Variants in FAIM observed in about 807,000 individuals in gnomAD.
The protein encoded by FAIM is fas apoptotic inhibitory molecule 1.
Under a neutral mutation model 21.2 loss-of-function variants are expected in FAIM, and 14 were observed. The ratio of observed to expected loss-of-function variants is 0.66; its 90% CI spans 0.44 to 1.03. The LOEUF is 1.03. Among genes scored for constraint, FAIM ranks in the 50% least tolerant of loss-of-function variants. FAIM has a pLI of 0.00. For missense variants in FAIM, 222 were observed against 247.1 expected (o/e 0.90, Z 0.68); for synonymous variants, 86 against 80.4 (o/e 1.07, Z -0.37).
rs1389123890 is a variant in FAIM at position 138,633,064 on chromosome 3, A to G, written c.591A>G (p.Pro197=). The change falls in exon 6 of 6, where the codon CCA becomes CCG. Residue 197 remains proline (P), a synonymous_variant. Transcript: ENST00000360570. ...TCATTGTGGATAATAGAGAAATCCC[A>G]GAGATTGCAAGTTAATGAATTTTCA... ...HTLIVDNREI[P]EIAS The G allele has an allele frequency of 6.2e-7, 1 of 1,612,240 alleles. No individual in the cohort carries two copies. The highest frequency in any genetic ancestry group is 8.5e-7 in the Non-Finnish European group (1 of 1,179,360).
intron 4 of FAIM, among the ~76,000 whole-genome samples, chr3:138,623,967 C>T (rs1349762408): frequency 6.6e-6 from 1 of 152,140 alleles, no homozygotes; most frequent in African/African-American, 2.4e-5. Flanking sequence ...ATTTTTGAAA[C>T]CCTTATTCCA....
chr3:138,614,517 A>G (rs1428023298), intron 1 of FAIM, among the ~76,000 whole-genome samples: 1 of 152,220 alleles, frequency 6.6e-6, no homozygotes, highest in Non-Finnish European at 1.5e-5. Flanking sequence ...AGCAGGTTCA[A>G]ATGTTGAATG....
intron 1 of FAIM, chr3:138,611,110 G>T: frequency 8.8e-7 from 1 of 1,132,730 alleles, no homozygotes; most frequent in Non-Finnish European, 1.3e-6. Flanking sequence ...CTTAGAATAT[G>T]ACATGTGTTT....
intron 5 of FAIM, chr3:138,631,190 G>GATCATTT (rs2043001359): frequency 6.6e-6 from 1 of 151,684 alleles, no homozygotes; most frequent in Non-Finnish European, 1.5e-5. Flanking sequence ...AAGATGGGAG[G>GATCATTT]ATCATTTGAG....
intron 1 of FAIM, among the ~76,000 whole-genome samples, chr3:138,611,272 C>CT (rs928822112): frequency 1.9e-4 from 28 of 150,316 alleles, no homozygotes; most frequent in African/African-American, 6.1e-4. Context: ...ATTTTTTTTT[C>CT]TTTTTTTGTT....
rs2043026859 is a variant in FAIM, at chr3:138,633,323, G to A, written c.*244G>A. 3 of 276,388 alleles carry A rather than the reference G, an allele frequency of 1.1e-5. No individual in the cohort carries two copies. The Admixed American group carries it at 1.5e-4, about 14-fold the overall frequency. The allele number at this position is 276,388 out of a possible 1,614,324, so 17.1% of individuals were successfully genotyped here. ...AATGGCAAATAAGATATGGACCAAAGTCACTAATGTTTTACAACAGTAACC... is the reference window on the plus strand; with the variant it reads ...AATGGCAAATAAGATATGGACCAAAATCACTAATGTTTTACAACAGTAACC... On this transcript the variant is annotated 3_prime_UTR_variant, in exon 6 of 6. Transcript: ENST00000360570.
intron 1 of FAIM, among the ~76,000 whole-genome samples, chr3:138,609,575 TCGACTCTCTCTCTCTCGA>T (rs1560490961): frequency 0.029 from 655 of 22,256 alleles, 1 homozygote; most frequent in African/African-American, 0.048. Flanking sequence ...TCTCTCTCTC[TCGACTCTCTCTCTCTCGA>T]CTCTCTCTCT....
At chr3:138,610,993 G>A (rs1447705352) in intron 1 of FAIM, 2 of 1,613,748 alleles carry the variant, frequency 1.2e-6, no homozygotes, top group Non-Finnish European at 1.7e-6. Context: ...TCCCACTGTT[G>A]TGCTATAATC....
chr3:138,610,541 AAG>A (rs2042756437), intron 1 of FAIM: 1 of 156,576 alleles, frequency 6.4e-6, no homozygotes, highest in Admixed American at 6.2e-5. Flanking sequence ...GTACATGCAT[AAG>A]AGTTTAAAAA....
intron 2 of FAIM, among the ~76,000 whole-genome samples, chr3:138,620,299 A>G (rs527353741): frequency 1.3e-5 from 2 of 152,346 alleles, no homozygotes; most frequent in South Asian, 2.1e-4. Context: ...ACAATGACTG[A>G]TACATAGTTA....
intron 1 of FAIM, among the ~76,000 whole-genome samples, chr3:138,609,533 ACTCTCTCTCTCTCTCTCTCTCTCT>A (rs1286573079): frequency 8.9e-4 from 3 of 3,362 alleles, no homozygotes; most frequent in Non-Finnish European, 1.9e-3. Flanking sequence ...AAGTGCTGAA[ACTCTCTCTCTCTCTCTCTCTCTCT>A]CTCTCTCTCT....
intron 1 of FAIM, among the ~76,000 whole-genome samples, chr3:138,615,666 G>C (rs771833284): frequency 1.3e-5 from 2 of 152,142 alleles, no homozygotes; most frequent in Non-Finnish European, 2.9e-5. Flanking sequence ...ACGTGCATTT[G>C]ATGAGTTGAC....
At chr3:138,622,484 G>A in intron 4 of FAIM, 68 bp downstream of exon 4, 3 of 1,006,376 alleles carry the variant, frequency 3.0e-6, no homozygotes, top group Non-Finnish European at 4.4e-6. Context: ...TCCTGTAACT[G>A]TATTCAGACC....
At chr3:138,629,081 T>G (rs770690864) in intron 4 of FAIM, 26 bp from the exon 5 acceptor site, 1 of 1,556,200 alleles carries the variant, frequency 6.4e-7, no homozygotes, top group East Asian at 2.2e-5. Flanking sequence ...GAATTATAAC[T>G]TAAAGTTTTT....
chr3:138,613,941 G>T (rs747234901), intron 1 of FAIM, among the ~76,000 whole-genome samples: 20 of 152,096 alleles, frequency 1.3e-4, no homozygotes, highest in Non-Finnish European at 2.6e-4. Context: ...CTTACATTTA[G>T]ATCATTGAGA....
intron 5 of FAIM, among the ~76,000 whole-genome samples, chr3:138,632,645 AT>A (rs1371738750): frequency 2.0e-5 from 3 of 152,168 alleles, no homozygotes; most frequent in Non-Finnish European, 4.4e-5. Flanking sequence ...TGTCATATTT[AT>A]CATTTTTATT....
chr3:138,609,545 T>TCCCTCCCTCTC (rs2042732512), intron 1 of FAIM, among the ~76,000 whole-genome samples: 1 of 23,068 alleles, frequency 4.3e-5, no homozygotes, highest in Non-Finnish European at 9.3e-5. Context: ...TCTCTCTCTC[T>TCCCTCCCTCTC]CTCTCTCTCT....
chr3:138,622,531 G>C, intron 4 of FAIM, 115 bp downstream of exon 4: 1 of 707,530 alleles, frequency 1.4e-6, no homozygotes, highest in East Asian at 2.8e-5. Context: ...GAGTGTAAGT[G>C]CAGGTGTATT....
chr3:138,614,669 G>A lies in FAIM; in HGVS notation c.-16-5042G>A, dbSNP rs114791468. On this transcript the variant is annotated intron_variant, in intron 1 of 5. Transcript: ENST00000360570. ...TTAAAAGACATGTACGACCAGGTGC[G>A]GTGACTCATGCCTGTAATCTCAGCA... is the stretch of plus-strand genomic sequence containing the variant. 3.9e-3 allele frequency among the ~76,000 whole-genome samples: 601 copies of A among 152,206 alleles called. 3 individuals carry two copies. Among genetic ancestry groups the A allele is most frequent in the African/African-American group, 0.014 (578 of 41,526 alleles).
Sources: gnomAD v4.1 joint callset for allele counts (sites outside exome capture counted in the v4.1 genomes callset) on GRCh38, gnomAD v4.1.1 for gene constraint, MANE v1.5 for transcripts, NCBI Gene and HGNC (gene_info 2026-07-23, HGNC 2026-07-21) for gene names.